CSMD1: variants seen among roughly 807,000 people sequenced by gnomAD.
CSMD1 encodes CUB and Sushi multiple domains 1, also known as CUB and sushi domain-containing protein 1.
A neutral mutation model predicts 417.5 loss-of-function variants in CSMD1; 213 were observed. That is an observed-to-expected ratio of 0.51 (90% confidence interval 0.46 to 0.57). The LOEUF (loss-of-function observed/expected upper bound fraction) is 0.57, where lower values mean the gene tolerates loss of function less well. Among genes scored for constraint, CSMD1 ranks in the 20% least tolerant of loss-of-function variants. CSMD1 has a pLI of 0.00. For synonymous variants in CSMD1, 2,862 were observed against 1,736.8 expected (o/e 1.65, Z -16.11); for missense variants, 6,923 against 4,529.7 (o/e 1.53, Z -15.17).
chr8:4,915,013 T>G (rs1285444734), intron 1 of CSMD1, among the ~76,000 whole-genome samples: 1 of 152,196 alleles, frequency 6.6e-6, no homozygotes, highest in Non-Finnish European at 1.5e-5. Context: ...TTAATTCAAT[T>G]CATATTAGAT....
intron 10 of CSMD1, among the ~76,000 whole-genome samples, chr8:3,495,715 A>T (rs984879248): frequency 6.6e-6 from 1 of 152,170 alleles, no homozygotes; most frequent in African/African-American, 2.4e-5. Flanking sequence ...TTTCAGAGTA[A>T]AAGAACCAGA....
intron 3 of CSMD1, among the ~76,000 whole-genome samples, chr8:4,119,205 T>C (rs1051293604): frequency 3.3e-5 from 5 of 152,034 alleles, no homozygotes; most frequent in African/African-American, 1.2e-4. Context: ...CACATATACC[T>C]ATGTAACAAG....
rs145998370 is a variant in CSMD1 at position 3,360,690 on chromosome 8, C to T, written c.3116-1350G>A. On this transcript the variant is annotated intron_variant, in intron 20 of 69. Transcript: ENST00000635120. ...CTCTTAGTTTACCGTGGGGAAGAAA[C>T]GTTTAGAAAACTATGCTAATCTTTC... 1.2e-3 allele frequency among the ~76,000 whole-genome samples: 182 copies of T among 152,272 alleles called. 1 individual carries two copies. Among genetic ancestry groups the T allele is most frequent in the African/African-American group, 8.4e-4 (35 of 41,566 alleles).
chr8:4,522,659 G>A (rs1471793302), intron 2 of CSMD1, among the ~76,000 whole-genome samples: 1 of 152,124 alleles, frequency 6.6e-6, no homozygotes, highest in African/African-American at 2.4e-5. Flanking sequence ...TTTCTTCTCT[G>A]TCCGCAGCCC....
chr8:3,702,251 C>T (rs532907269), intron 7 of CSMD1: 1 of 152,334 alleles, frequency 6.6e-6, no homozygotes, highest in East Asian at 1.9e-4. Flanking sequence ...CCTCCGTACA[C>T]AGCATGTCCC....
intron 2 of CSMD1, among the ~76,000 whole-genome samples, chr8:4,496,614 G>C (rs928260643): frequency 1.8e-4 from 27 of 151,990 alleles, no homozygotes; most frequent in Non-Finnish European, 7.4e-5. Context: ...TGTTATTCCT[G>C]GTTTGTTCCT....
intron 3 of CSMD1, among the ~76,000 whole-genome samples, chr8:4,272,797 T>A (rs1461639784): frequency 6.6e-6 from 1 of 152,188 alleles, no homozygotes; most frequent in Admixed American, 6.5e-5. Context: ...TGACCTTTAC[T>A]CTAACTCACC....
intron 7 of CSMD1, among the ~76,000 whole-genome samples, chr8:3,647,928 T>A (rs1797658612): frequency 1.3e-5 from 2 of 152,258 alleles, no homozygotes; most frequent in Admixed American, 6.5e-5. Flanking sequence ...TTGTTTTGTT[T>A]GTAAGAGACA....
At chr8:2,978,441 T>C (rs1033246358) in intron 55 of CSMD1, among the ~76,000 whole-genome samples, 171 bp downstream of exon 55, 1 of 152,156 alleles carries the variant, frequency 6.6e-6, no homozygotes, top group African/African-American at 2.4e-5. Flanking sequence ...AAGTTGTATT[T>C]GGTGATTTCT....
intron 49 of CSMD1, among the ~76,000 whole-genome samples, chr8:3,079,952 G>A (rs1029939897): frequency 3.9e-5 from 6 of 152,180 alleles, no homozygotes; most frequent in Non-Finnish European, 8.8e-5. Flanking sequence ...CTATGTAGAA[G>A]CAGAATATAG....
At chr8:4,570,081 C>A (rs1210459761) in intron 2 of CSMD1, among the ~76,000 whole-genome samples, 3 of 152,190 alleles carry the variant, frequency 2.0e-5, no homozygotes, top group Non-Finnish European at 4.4e-5. Context: ...ACGTCGTCTG[C>A]AAACAGAGAC....
intron 51 of CSMD1, among the ~76,000 whole-genome samples, chr8:3,022,388 C>A (rs548855214): frequency 6.6e-6 from 1 of 152,356 alleles, no homozygotes; most frequent in Non-Finnish European, 1.5e-5. Flanking sequence ...CGCAATCCCA[C>A]AGCGTCCGGA....
At chr8:3,874,020 T>C (rs909380007) in intron 5 of CSMD1, among the ~76,000 whole-genome samples, 2 of 152,234 alleles carry the variant, frequency 1.3e-5, no homozygotes, top group African/African-American at 4.8e-5. Flanking sequence ...AGAACTTCTC[T>C]GTCAAATTAG....
intron 1 of CSMD1, among the ~76,000 whole-genome samples, chr8:4,742,714 A>G (rs1302618390): frequency 6.6e-6 from 1 of 152,140 alleles, no homozygotes; most frequent in African/African-American, 2.4e-5. Flanking sequence ...AAAGATGCAA[A>G]TGTGAAAATG....
intron 3 of CSMD1, among the ~76,000 whole-genome samples, chr8:4,289,354 T>C (rs949575653): frequency 1.3e-5 from 2 of 152,212 alleles, no homozygotes; most frequent in African/African-American, 4.8e-5. Context: ...CATTTAACTT[T>C]TCTTATAGGT....
At chr8:3,191,317 A>T (rs141339342) in intron 33 of CSMD1, among the ~76,000 whole-genome samples, 2,671 of 152,184 alleles carry the variant, frequency 0.018, 168 homozygotes, top group East Asian at 0.14. Flanking sequence ...TTAGCCGGGC[A>T]TGGTGGCACA....
rs140576909 is a variant in CSMD1, at chr8:3,531,858, C to T, written c.1345-38132G>A. Among the ~76,000 whole-genome samples, 467 of 152,258 alleles carry T rather than the reference C, an allele frequency of 3.1e-3. 4 individuals are homozygous for T. Among genetic ancestry groups the T allele is most frequent in the African/African-American group, 0.01 (417 of 41,542 alleles). ...AGAGAAACGGCTACGTGGGGCCAGG[C>T]CGGTCCACCATGGGGCCCCACCTCT... is the stretch of plus-strand genomic sequence containing the variant. On this transcript the variant is annotated intron_variant, in intron 10 of 69. Transcript: ENST00000635120.
At chr8:3,264,357 A>C (rs1191425926) in intron 26 of CSMD1, among the ~76,000 whole-genome samples, 1 of 152,116 alleles carries the variant, frequency 6.6e-6, no homozygotes, top group East Asian at 1.9e-4. Flanking sequence ...ATACAGTGCT[A>C]TTTACTTGTG....
intron 3 of CSMD1, among the ~76,000 whole-genome samples, chr8:4,067,772 C>A (rs1799328584): frequency 1.3e-5 from 2 of 152,058 alleles, no homozygotes; most frequent in South Asian, 4.1e-4. Flanking sequence ...TGAACGTTTT[C>A]CTGTAAACAG....
Sources: gnomAD v4.1 joint callset for allele counts (sites outside exome capture counted in the v4.1 genomes callset) on GRCh38, gnomAD v4.1.1 for gene constraint, MANE v1.5 for transcripts, NCBI Gene and HGNC (gene_info 2026-07-23, HGNC 2026-07-21) for gene names.